The following CCT6B variants were observed in gnomAD, a reference collection of about 807,000 sequenced individuals.
CCT6B encodes the protein probable T-complex protein 1 subunit zeta-2.
CCT6B carries 49 observed loss-of-function variants against 61.5 expected under a neutral mutation model. That is an observed-to-expected ratio of 0.80 (90% CI 0.63 to 1.01). The LOEUF (loss-of-function observed/expected upper bound fraction) is 1.01, where lower values mean the gene tolerates loss of function less well. CCT6B is among the 50% of genes least tolerant of loss of function. The pLI is 0.00. For missense variants in CCT6B, 666 were observed against 634.7 expected (o/e 1.05, Z -0.53); for synonymous variants, 228 against 214.5 (o/e 1.06, Z -0.55).
intron 2 of CCT6B, 89 bp downstream of exon 2, chr17:34,959,498 T>C: frequency 1.0e-6 from 1 of 962,208 alleles, no homozygotes; most frequent in South Asian, 1.3e-5. Flanking sequence ...AGTATTTAGC[T>C]CACAGCCTTG....
Position 34,942,431 on chromosome 17 carries a change from A to T in CCT6B, c.885+53T>A. On this transcript the variant is annotated intron_variant, in intron 7 of 13. Transcript: ENST00000314144. ...TTAGGGGTCCACAGACCACACTTCAAGAAATGCTTAAGAACATTTACAAAT... is the reference window on the plus strand; with the variant it reads ...TTAGGGGTCCACAGACCACACTTCATGAAATGCTTAAGAACATTTACAAAT... 4 of 1,471,366 alleles carry T rather than the reference A, an allele frequency of 2.7e-6. No individual in the cohort carries two copies. The South Asian group carries it at 5.1e-5, about 19-fold the overall frequency. The allele number at this position is 1,471,366 out of a possible 1,614,324, so 91.1% of individuals were successfully genotyped here.
intron 1 of CCT6B, among the ~76,000 whole-genome samples, chr17:34,959,864 G>A (rs1046133825): frequency 5.3e-5 from 8 of 152,154 alleles, no homozygotes; most frequent in African/African-American, 1.9e-4. Context: ...ACTATTTACA[G>A]GTTTAAAGAT....
At chr17:34,959,678 C>T (rs1162716170) in intron 1 of CCT6B, 28 bp from the exon 2 acceptor site, 27 of 1,536,414 alleles carry the variant, frequency 1.8e-5, no homozygotes, top group Non-Finnish European at 2.1e-5. Flanking sequence ...ATATTAACTT[C>T]ATGTGGTAGG....
chr17:34,943,796 A>G (rs1430477599), intron 5 of CCT6B: 2 of 150,958 alleles, frequency 1.3e-5, no homozygotes, highest in Non-Finnish European at 3.0e-5. Flanking sequence ...AAATTTAAAA[A>G]AAAAAACAAC....
intron 5 of CCT6B, among the ~76,000 whole-genome samples, chr17:34,950,000 C>G (rs935455537): frequency 6.6e-6 from 1 of 152,184 alleles, no homozygotes; most frequent in African/African-American, 2.4e-5. Flanking sequence ...TGACTATACA[C>G]TGAGCCATAA....
At chr17:34,945,287 T>C (rs1410746904) in intron 5 of CCT6B, among the ~76,000 whole-genome samples, 1 of 152,244 alleles carries the variant, frequency 6.6e-6, no homozygotes, top group Non-Finnish European at 1.5e-5. Flanking sequence ...CAGACCTCTA[T>C]TCTGAATTCG....
At chr17:34,950,047 C>T (rs546228523) in intron 5 of CCT6B, among the ~76,000 whole-genome samples, 15 of 152,284 alleles carry the variant, frequency 9.9e-5, no homozygotes, top group African/African-American at 3.6e-4. Context: ...GCAAAAATCT[C>T]ATAGAGCATA....
intron 2 of CCT6B, 86 bp downstream of exon 2, chr17:34,959,501 C>T (rs1261493695): frequency 1.0e-6 from 1 of 985,090 alleles, no homozygotes; most frequent in Non-Finnish European, 1.6e-6. Flanking sequence ...ATTTAGCTCA[C>T]AGCCTTGGCT....
At chr17:34,937,009 T>C (rs960522786) in intron 10 of CCT6B, among the ~76,000 whole-genome samples, 18 of 151,872 alleles carry the variant, frequency 1.2e-4, no homozygotes, top group Non-Finnish European at 2.9e-5. Context: ...TAAAAAAAAA[T>C]TAACCAGGCA....
intron 3 of CCT6B, among the ~76,000 whole-genome samples, chr17:34,958,042 A>G (rs1257404777): frequency 6.6e-6 from 1 of 152,182 alleles, no homozygotes; most frequent in Non-Finnish European, 1.5e-5. Flanking sequence ...GGTCCGTTAA[A>G]TATTTCATTT....
intron 3 of CCT6B, among the ~76,000 whole-genome samples, chr17:34,958,270 C>T (rs1257479785): frequency 3.3e-5 from 5 of 152,026 alleles, no homozygotes; most frequent in East Asian, 1.9e-4. Flanking sequence ...ATGGTGAAAC[C>T]CTGTCTCTAA....
intron 7 of CCT6B, 33 bp from the exon 8 acceptor site, chr17:34,940,654 T>A (rs1361296826): frequency 8.6e-7 from 1 of 1,168,636 alleles, no homozygotes. Context: ...ATTATAAACA[T>A]GTTTTAAACC....
At chr17:34,955,609 A>G (rs1348320583) in intron 3 of CCT6B, among the ~76,000 whole-genome samples, 1 of 152,190 alleles carries the variant, frequency 6.6e-6, no homozygotes, top group African/African-American at 2.4e-5. Flanking sequence ...AAATATTTTA[A>G]TAGTATTTTT....
intron 4 of CCT6B, among the ~76,000 whole-genome samples, chr17:34,954,058 T>A (rs1006944390): frequency 6.6e-6 from 1 of 152,204 alleles, no homozygotes; most frequent in African/African-American, 2.4e-5. Flanking sequence ...GGTAACCTTA[T>A]CTACAAGGTA....
At position 34,942,593 on chromosome 17, in the gene CCT6B, A is replaced by T; in HGVS notation, c.776T>A (p.Leu259Ter). ...AATAAATTTTCTTTCAGCTTTTACC[A>T]ATTTCTCTTTCTCTTCTGCAGTCTT... ...FYKTAEEKEK[L>*]VKAERKFIED... The change falls in exon 7 of 14, where the codon TTG (leucine) becomes TAG (stop). Residue 259 changes from leucine (L) to a stop codon, truncating the protein, a stop_gained. Coordinates refer to ENST00000314144, the MANE Select transcript of CCT6B (RefSeq NM_006584.4). LOFTEE classifies it high-confidence loss of function. 6.2e-7 allele frequency: 1 copy of T among 1,607,684 alleles called. No individual in the cohort carries two copies. Among genetic ancestry groups the T allele is most frequent in the Non-Finnish European group, 8.5e-7 (1 of 1,177,266 alleles).
intron 1 of CCT6B, among the ~76,000 whole-genome samples, chr17:34,960,606 G>C (rs773299034): frequency 6.6e-6 from 1 of 152,100 alleles, no homozygotes; most frequent in Non-Finnish European, 1.5e-5. Context: ...AACAGAAACC[G>C]TTATCTTGAT....
chr17:34,949,542 G>A (rs1567670890), intron 5 of CCT6B: 3 of 151,070 alleles, frequency 2.0e-5, no homozygotes, highest in Non-Finnish European at 1.5e-5. Context: ...AGGAAGGAAG[G>A]CAGGAAGGAA....
chr17:34,928,093 G>T lies in CCT6B; in HGVS notation c.1548C>A (p.Leu516=). The change falls in exon 14 of 14, where the codon CTC becomes CTA. Residue 516 remains leucine (L), a synonymous_variant. Transcript: ENST00000314144. ...CAGCTCGCATAATTTCATCAACCAG[G>T]AGAATGTTGGTGGCAATCACTGTGC... ...HSCTVIATNI[L]LVDEIMRAGM... is the part of the protein sequence containing the mutation. 3 of 1,611,990 alleles carry T rather than the reference G, an allele frequency of 1.9e-6. No individual in the cohort carries two copies. Among genetic ancestry groups the T allele is most frequent in the Non-Finnish European group, 2.5e-6 (3 of 1,178,988 alleles).
At chr17:34,939,098 TAC>T (rs2090128654) in intron 10 of CCT6B, 83 bp downstream of exon 10, 2 of 1,129,040 alleles carry the variant, frequency 1.8e-6, no homozygotes, top group African/African-American at 3.2e-5. Context: ...TATACATATA[TAC>T]ATACATAGGT....
Sources: allele counts gnomAD v4.1 joint callset (sites outside exome capture counted in the v4.1 genomes callset), GRCh38; gene constraint gnomAD v4.1.1; transcripts MANE v1.5; gene names NCBI Gene and HGNC (gene_info 2026-07-23, HGNC 2026-07-21).